Variants in DLGAP1 observed in about 807,000 individuals in gnomAD.
DLGAP1 encodes disks large-associated protein 1.
Under a neutral mutation model 90.8 loss-of-function variants are expected in DLGAP1, and 11 were observed. The ratio of observed to expected loss-of-function variants is 0.12; its 90% CI spans 0.08 to 0.20. The LOEUF is 0.20. Among genes scored for constraint, DLGAP1 ranks in the 10% least tolerant of loss-of-function variants. The pLI is 1.00. For missense variants in DLGAP1, 1,050 were observed against 1,333.8 expected, an observed-to-expected ratio of 0.79 and a Z score of 3.31; for synonymous variants, 558 against 540.7, an observed-to-expected ratio of 1.03 and a Z score of -0.44.
chr18:4,334,789 A>AT (rs2081034366), intron 1 of DLGAP1, among the ~76,000 whole-genome samples: 1 of 151,890 alleles, frequency 6.6e-6, no homozygotes, highest in Non-Finnish European at 1.5e-5. Flanking sequence ...TTTAAGAATG[A>AT]TTTTAAATAG....
At chr18:4,218,370 T>TA (rs1373662595) in intron 1 of DLGAP1, among the ~76,000 whole-genome samples, 2 of 152,062 alleles carry the variant, frequency 1.3e-5, no homozygotes, top group African/African-American at 4.8e-5. Context: ...GTAGGGGTGA[T>TA]ATATTGTGAT....
chr18:3,969,011 AAAGG>A (rs2149000131), intron 3 of DLGAP1, among the ~76,000 whole-genome samples: 1 of 152,312 alleles, frequency 6.6e-6, no homozygotes, highest in South Asian at 2.1e-4. Flanking sequence ...GCGAGACAAC[AAAGG>A]AAAGAAGTTA....
At chr18:4,254,193 C>T (rs1214821017) in intron 1 of DLGAP1, among the ~76,000 whole-genome samples, 4 of 152,150 alleles carry the variant, frequency 2.6e-5, no homozygotes, top group Non-Finnish European at 5.9e-5. Flanking sequence ...CCTGATTTCT[C>T]GAAGTGATTG....
rs555623786 is a variant in DLGAP1, at chr18:3,841,290, A to T, written c.958-27017T>A. 3.3e-5 allele frequency among the ~76,000 whole-genome samples: 5 copies of T among 152,336 alleles called. No individual in the cohort carries two copies. The South Asian group carries it at 8.3e-4, about 25-fold the overall frequency. ...TGTAAGGCCCAGCTACTTTCTCTGT[A>T]GAGAAAGTGAGAAAGGCTGAAAACT... On this transcript the variant is annotated intron_variant, in intron 4 of 12. Coordinates refer to ENST00000315677, the MANE Select transcript of DLGAP1 (RefSeq NM_004746.4).
chr18:4,045,549 T>C (rs552342690), intron 2 of DLGAP1, among the ~76,000 whole-genome samples: 1 of 147,424 alleles, frequency 6.8e-6, no homozygotes, highest in Admixed American at 6.9e-5. Context: ...CAGTGAGCCA[T>C]GATCGTGTCA....
At chr18:4,191,108 A>G (rs2077391475) in intron 1 of DLGAP1, among the ~76,000 whole-genome samples, 1 of 152,140 alleles carries the variant, frequency 6.6e-6, no homozygotes, top group East Asian at 1.9e-4. Context: ...TATACCTGAA[A>G]TTGATTTTTT....
chr18:4,078,805 T>C (rs993278761), intron 2 of DLGAP1, among the ~76,000 whole-genome samples: 91 of 152,308 alleles, frequency 6.0e-4, no homozygotes, highest in Admixed American at 5.9e-3. Flanking sequence ...CCATGTTTCC[T>C]TGAAACTTGA....
chr18:4,196,196 C>G (rs977809470), intron 1 of DLGAP1, among the ~76,000 whole-genome samples: 2 of 152,096 alleles, frequency 1.3e-5, no homozygotes, highest in African/African-American at 4.8e-5. Flanking sequence ...ACGGACATTA[C>G]AGTAAAGGAG....
At position 4,409,632 on chromosome 18, in the gene DLGAP1, C is replaced by T. The variant is rs544751473; in HGVS notation, c.-267+45374G>A. Among the ~76,000 whole-genome samples, 6 of 152,164 alleles carry T rather than the reference C, an allele frequency of 3.9e-5. No homozygotes were observed. The South Asian group carries it at 8.3e-4, about 21-fold the overall frequency. On this transcript the variant is annotated intron_variant, in intron 1 of 12. Coordinates refer to ENST00000315677, the MANE Select transcript of DLGAP1 (RefSeq NM_004746.4). ...CATTCTTACAGGAGTAAGATGGTAT[C>T]GCATTGTGGTTTTGATTTGGATTTC...
At chr18:3,867,234 T>C (rs2070453480) in intron 4 of DLGAP1, among the ~76,000 whole-genome samples, 1 of 152,086 alleles carries the variant, frequency 6.6e-6, no homozygotes, top group African/African-American at 2.4e-5. Context: ...AGGAAGACTT[T>C]TGAGTGCCAC....
intron 2 of DLGAP1, among the ~76,000 whole-genome samples, chr18:4,105,101 G>T (rs961899361): frequency 1.1e-4 from 17 of 152,170 alleles, no homozygotes; most frequent in Non-Finnish European, 2.2e-4. Flanking sequence ...CTGCATAAAA[G>T]AAGCCCTGAG....
intron 5 of DLGAP1, among the ~76,000 whole-genome samples, chr18:3,809,778 T>C (rs1934740779): frequency 6.6e-6 from 1 of 152,228 alleles, no homozygotes. Context: ...CCACTTAATA[T>C]AATTTTTAAA....
intron 3 of DLGAP1, among the ~76,000 whole-genome samples, chr18:3,977,392 TA>T (rs1418870242): frequency 6.7e-6 from 1 of 149,932 alleles, no homozygotes; most frequent in African/African-American, 2.5e-5. Context: ...TAAACTGTAC[TA>T]AAATGCTGAA....
chr18:4,074,305 C>T lies in DLGAP1; in HGVS notation c.-158-69104G>A, dbSNP rs80140313. On this transcript the variant is annotated intron_variant, in intron 2 of 12. Coordinates refer to ENST00000315677, the MANE Select transcript of DLGAP1 (RefSeq NM_004746.4). ...TTTCTTAGGTTCTACCTCTCATACTCTAGCTAGACACACTATTTTGATTAT... is the reference window on the plus strand; with the variant it reads ...TTTCTTAGGTTCTACCTCTCATACTTTAGCTAGACACACTATTTTGATTAT... Among the ~76,000 whole-genome samples, 1,488 of 152,148 alleles carry T rather than the reference C, an allele frequency of 9.8e-3. 16 individuals are homozygous for T. Among genetic ancestry groups the T allele is most frequent in the African/African-American group, 0.034 (1,415 of 41,518 alleles).
At chr18:3,636,143 G>T (rs1187376198) in intron 7 of DLGAP1, among the ~76,000 whole-genome samples, 2 of 150,844 alleles carry the variant, frequency 1.3e-5, no homozygotes, top group African/African-American at 2.4e-5. Flanking sequence ...CCTTCTGCTT[G>T]GAGTTTCCAC....
intron 2 of DLGAP1, among the ~76,000 whole-genome samples, chr18:4,099,511 G>A (rs1196289922): frequency 6.6e-6 from 1 of 152,030 alleles, no homozygotes; most frequent in Non-Finnish European, 1.5e-5. Flanking sequence ...ACAGCATATT[G>A]TCTTAAAAAT....
intron 1 of DLGAP1, among the ~76,000 whole-genome samples, chr18:4,270,925 T>A (rs1194704247): frequency 6.6e-6 from 1 of 152,194 alleles, no homozygotes; most frequent in African/African-American, 2.4e-5. Flanking sequence ...TTTGATCCTA[T>A]CACTAGAACA....
intron 1 of DLGAP1, among the ~76,000 whole-genome samples, chr18:4,336,119 G>A (rs2081062453): frequency 6.6e-6 from 1 of 152,200 alleles, no homozygotes; most frequent in African/African-American, 2.4e-5. Flanking sequence ...CAGTGCACGT[G>A]CCGACAATGC....
rs58862252 is a variant in DLGAP1, at chr18:3,639,755, C to CTTTTTTTTTT, written c.1592-57517_1592-57508dup. ...GTTCTCCTGCTACCTGCAGAGTTGCCTTTTTTTTTTTTTTTTTGAGACAGA... is the reference window on the plus strand; with the variant it reads ...GTTCTCCTGCTACCTGCAGAGTTGCCTTTTTTTTTTTTTTTTTTTTTTTTTTTGAGACAGA... On this transcript the variant is annotated intron_variant, in intron 7 of 12. Coordinates refer to ENST00000315677, the MANE Select transcript of DLGAP1 (RefSeq NM_004746.4). 3.4e-3 allele frequency among the ~76,000 whole-genome samples: 400 copies of CTTTTTTTTTT among 118,248 alleles called. 30 individuals carry two copies. The highest frequency in any genetic ancestry group is 0.012 in the African/African-American group (322 of 27,684). 77.6% of individuals were successfully genotyped at this position (118,248 alleles called of 152,430 possible). A position where few individuals can be genotyped will look rare whatever the true frequency, so the allele number is the denominator to read the frequency against.
Sources: gnomAD v4.1 joint callset for allele counts (sites outside exome capture counted in the v4.1 genomes callset) on GRCh38, gnomAD v4.1.1 for gene constraint, MANE v1.5 for transcripts, NCBI Gene and HGNC (gene_info 2026-07-23, HGNC 2026-07-21) for gene names.